NCAM2: variants seen among roughly 807,000 people sequenced by gnomAD.
NCAM2 encodes the protein N-CAM-2.
A neutral mutation model predicts 98.1 loss-of-function variants in NCAM2; 30 were observed. The ratio of observed to expected loss-of-function variants is 0.31; its 90% CI spans 0.23 to 0.41. The LOEUF (loss-of-function observed/expected upper bound fraction) is 0.41, where lower values mean the gene tolerates loss of function less well. NCAM2 is among the 10% of genes least tolerant of loss of function. NCAM2 has a pLI of 1.00. For synonymous variants in NCAM2, 368 were observed against 342.4 expected (o/e 1.07, Z -0.83); for missense variants, 867 against 1,005.8 (o/e 0.86, Z 1.87).
chr21:21,105,972 A>G (rs2066335970), intron 1 of NCAM2, among the ~76,000 whole-genome samples: 2 of 152,240 alleles, frequency 1.3e-5, no homozygotes, highest in Admixed American at 1.3e-4. Flanking sequence ...CCAAGAGGGT[A>G]TGTTTATCAT....
intron 1 of NCAM2, among the ~76,000 whole-genome samples, chr21:21,140,354 A>G (rs2146651440): frequency 6.6e-6 from 1 of 152,306 alleles, no homozygotes; most frequent in Middle Eastern, 3.4e-3. Flanking sequence ...AGAGCATCTG[A>G]AAATGCACAT....
At chr21:21,451,850 A>T (rs563678028) in intron 12 of NCAM2, among the ~76,000 whole-genome samples, 1 of 152,144 alleles carries the variant, frequency 6.6e-6, no homozygotes, top group Admixed American at 6.6e-5. Context: ...ACACAGAAAC[A>T]CATAGCAAAA....
At chr21:21,173,653 C>A (rs1362270191) in intron 1 of NCAM2, among the ~76,000 whole-genome samples, 1 of 152,142 alleles carries the variant, frequency 6.6e-6, no homozygotes, top group Non-Finnish European at 1.5e-5. Flanking sequence ...TTGAGAGAGG[C>A]ATAGACAGTT....
At chr21:21,130,187 T>A (rs10211892) in intron 1 of NCAM2, among the ~76,000 whole-genome samples, 149,583 of 152,190 alleles carry the variant, frequency 0.98, 73,550 homozygotes, top group East Asian at 1. Context: ...TCTTTTGAAT[T>A]GTTGGTTACA....
chr21:21,457,380 G>A (rs1027822266), intron 12 of NCAM2, among the ~76,000 whole-genome samples: 7 of 152,174 alleles, frequency 4.6e-5, no homozygotes, highest in African/African-American at 1.4e-4. Flanking sequence ...GGTGGCACAC[G>A]CTTGTCATCC....
intron 1 of NCAM2, among the ~76,000 whole-genome samples, chr21:21,147,805 A>G (rs1210429311): frequency 6.7e-6 from 1 of 149,892 alleles, no homozygotes; most frequent in Non-Finnish European, 1.5e-5. Context: ...TTTATTGAAT[A>G]TATATATCTG....
At chr21:21,468,588 C>CG (rs1429068857) in intron 13 of NCAM2, 74 bp from the exon 14 acceptor site, 9 of 1,415,668 alleles carry the variant, frequency 6.4e-6, no homozygotes, top group Non-Finnish European at 8.7e-6. Context: ...CATTACTGTT[C>CG]TTTTTATTAA....
At chr21:21,067,500 C>T (rs2065464992) in intron 1 of NCAM2, among the ~76,000 whole-genome samples, 1 of 152,116 alleles carries the variant, frequency 6.6e-6, no homozygotes, top group Admixed American at 6.5e-5. Flanking sequence ...CATTTTCCAA[C>T]ATTTCACTCA....
chr21:21,451,526 T>C (rs1981067022), intron 12 of NCAM2, among the ~76,000 whole-genome samples: 1 of 152,188 alleles, frequency 6.6e-6, no homozygotes, highest in Non-Finnish European at 1.5e-5. Context: ...AGTAGACATT[T>C]TAGTAAAATT....
intron 1 of NCAM2, chr21:21,223,237 A>G (rs2070242432): frequency 6.6e-6 from 1 of 152,186 alleles, no homozygotes; most frequent in South Asian, 2.1e-4. Flanking sequence ...ATAAAATTTA[A>G]TTAGGTAATT....
At chr21:21,170,008 T>C (rs529790607) in intron 1 of NCAM2, among the ~76,000 whole-genome samples, 34 of 152,180 alleles carry the variant, frequency 2.2e-4, no homozygotes, top group Admixed American at 1.2e-3. Flanking sequence ...GAAAAGATAT[T>C]CAACATTATA....
At chr21:21,069,516 T>G (rs1225811972) in intron 1 of NCAM2, among the ~76,000 whole-genome samples, 3 of 152,188 alleles carry the variant, frequency 2.0e-5, no homozygotes, top group Non-Finnish European at 4.4e-5. Flanking sequence ...TAGTAATACC[T>G]CTTTGCCACA....
chr21:21,376,829 G>A (rs1344252152), intron 9 of NCAM2, among the ~76,000 whole-genome samples: 3 of 151,630 alleles, frequency 2.0e-5, no homozygotes, highest in African/African-American at 4.8e-5. Context: ...AAATTATGTA[G>A]TTTAGTTTAT....
chr21:21,137,021 A>G (rs73894450), intron 1 of NCAM2, among the ~76,000 whole-genome samples: 6,230 of 151,988 alleles, frequency 0.041, 372 homozygotes, highest in African/African-American at 0.13. Flanking sequence ...TCTGGTTACA[A>G]TTTTTAGTAG....
intron 1 of NCAM2, among the ~76,000 whole-genome samples, chr21:21,080,671 A>C (rs1339087934): frequency 4.1e-5 from 6 of 146,662 alleles, no homozygotes; most frequent in Middle Eastern, 3.4e-3. Context: ...AAAAAAAAAA[A>C]AAAAAAAAAC....
chr21:21,434,123 C>A (rs568086911), intron 12 of NCAM2, among the ~76,000 whole-genome samples: 2 of 152,192 alleles, frequency 1.3e-5, no homozygotes, highest in African/African-American at 4.8e-5. Context: ...CTGTCAGAGG[C>A]AGATCACTAT....
chr21:21,508,807 C>CCTTTTTTTTTT (rs1491024713), intron 15 of NCAM2, 44 bp from the exon 16 acceptor site: 1 of 705,786 alleles, frequency 1.4e-6, no homozygotes, highest in East Asian at 3.3e-5. Context: ...TACTTTTTTT[C>CCTTTTTTTTTT]CTTTTTTTTT....
intron 1 of NCAM2, among the ~76,000 whole-genome samples, chr21:21,155,115 A>T (rs1416843028): frequency 6.6e-6 from 1 of 151,614 alleles, no homozygotes; most frequent in Admixed American, 6.6e-5. Context: ...TAATGCCATC[A>T]ACCAAAATAA....
chr21:21,337,213 C>T (rs547860341), intron 7 of NCAM2, among the ~76,000 whole-genome samples: 54 of 152,002 alleles, frequency 3.6e-4, no homozygotes, highest in African/African-American at 1.2e-3. Context: ...GTATTTACAT[C>T]GTTTTTATCA....
Sources: gnomAD v4.1 joint callset for allele counts (sites outside exome capture counted in the v4.1 genomes callset) on GRCh38, gnomAD v4.1.1 for gene constraint, MANE v1.5 for transcripts, NCBI Gene and HGNC (gene_info 2026-07-23, HGNC 2026-07-21) for gene names.